RIMOC1: variants seen among roughly 807,000 people sequenced by gnomAD.
RIMOC1 encodes the protein RAB7A interacting MON1-CCZ1 complex subunit 1, also known as RAB7A-interacting MON1-CCZ1 complex subunit 1.
chr5:41,920,185 C>G, the RIMOC1 span: 1 of 152,286 alleles, frequency 6.6e-6, no homozygotes, highest in East Asian at 1.9e-4. Context: ...CTTGGTCTCA[C>G]TGGTTGGTAC....
the RIMOC1 span, chr5:41,918,526 C>T: frequency 1.0e-6 from 1 of 985,318 alleles, no homozygotes; most frequent in Non-Finnish European, 1.2e-6. Context: ...TAGTCTAGTC[C>T]TTTGGCAAGC....
the RIMOC1 span, among the ~76,000 whole-genome samples, chr5:41,914,574 A>T: frequency 2.0e-5 from 3 of 151,690 alleles, no homozygotes; most frequent in Non-Finnish European, 4.4e-5. Context: ...GGAGTTCAAG[A>T]CATAGTGAGA....
the RIMOC1 span, chr5:41,919,680 A>G: frequency 5.3e-5 from 8 of 152,118 alleles, no homozygotes; most frequent in African/African-American, 1.9e-4. Context: ...AGCCTTGCAC[A>G]CATCATTACT....
the RIMOC1 span, chr5:41,918,259 T>C: frequency 1.0e-6 from 1 of 985,906 alleles, no homozygotes; most frequent in South Asian, 4.7e-5. Flanking sequence ...TGTCACCACC[T>C]TGAGTTTCTC....
the RIMOC1 span, chr5:41,911,010 T>G: frequency 6.3e-7 from 1 of 1,591,994 alleles, no homozygotes; most frequent in Non-Finnish European, 8.5e-7. Context: ...AGACATCCAG[T>G]TTCCCTTTTT....
the RIMOC1 span, among the ~76,000 whole-genome samples, chr5:41,905,013 T>C: frequency 6.6e-6 from 1 of 152,230 alleles, no homozygotes; most frequent in Non-Finnish European, 1.5e-5. Flanking sequence ...AGTATTGGCA[T>C]ACTTGTTTTG....
the RIMOC1 span, chr5:41,911,019 T>G: frequency 1.3e-6 from 2 of 1,597,172 alleles, no homozygotes; most frequent in Non-Finnish European, 1.7e-6. Context: ...GTTTCCCTTT[T>G]TAGCTATGTC....
the RIMOC1 span, chr5:41,910,938 C>T: frequency 7.9e-7 from 1 of 1,264,606 alleles, no homozygotes; most frequent in Non-Finnish European, 1.1e-6. Flanking sequence ...ACAAAGGGAA[C>T]ATTTTGTGAC....
At chr5:41,917,853 A>G in the RIMOC1 span, 4 of 787,470 alleles carry the variant, frequency 5.1e-6, no homozygotes, top group Non-Finnish European at 6.2e-6. Flanking sequence ...TTATTTTGCC[A>G]TGTATTACTA....
chr5:41,918,383 A>G, the RIMOC1 span: 1 of 984,708 alleles, frequency 1.0e-6, no homozygotes. Flanking sequence ...GTTCCTTCTT[A>G]CCCCCTTTTC....
chr5:41,911,166 GT>G, the RIMOC1 span: 1 of 1,601,900 alleles, frequency 6.2e-7, no homozygotes, highest in Non-Finnish European at 8.5e-7. Context: ...AGAAAATCCA[GT>G]TTGCTTAAAA....
the RIMOC1 span, chr5:41,907,702 G>C: frequency 7.5e-7 from 1 of 1,338,974 alleles, no homozygotes. Context: ...TCTGAAACTA[G>C]GTGAAGTAAT....
the RIMOC1 span, among the ~76,000 whole-genome samples, chr5:41,913,705 C>T: frequency 6.6e-6 from 1 of 152,064 alleles, no homozygotes; most frequent in Non-Finnish European, 1.5e-5. Context: ...TTGTTAGCCT[C>T]TCCTGGATTG....
At chr5:41,918,691 C>T in the RIMOC1 span, 1 of 985,386 alleles carries the variant, frequency 1.0e-6, no homozygotes. Flanking sequence ...ACTAGGGTGG[C>T]CTCTCTCCCA....
the RIMOC1 span, chr5:41,920,327 A>G: frequency 6.6e-6 from 1 of 152,152 alleles, no homozygotes; most frequent in African/African-American, 2.4e-5. Context: ...ACACATTTTT[A>G]TATATGTTAA....
the RIMOC1 span, among the ~76,000 whole-genome samples, chr5:41,906,018 T>C: frequency 6.6e-6 from 1 of 152,238 alleles, no homozygotes; most frequent in South Asian, 2.1e-4. Context: ...GAATTGAATT[T>C]GGCATTATTT....
At chr5:41,905,432 G>T in the RIMOC1 span, among the ~76,000 whole-genome samples, 1 of 152,136 alleles carries the variant, frequency 6.6e-6, no homozygotes, top group South Asian at 2.1e-4. Context: ...CATCTCGCCC[G>T]GCTAACTTTG....
chr5:41,905,425 C>CT, the RIMOC1 span, among the ~76,000 whole-genome samples: 1 of 152,198 alleles, frequency 6.6e-6, no homozygotes, highest in African/African-American at 2.4e-5. Flanking sequence ...CGCACACCAT[C>CT]TCGCCCGGCT....
At chr5:41,917,689 C>T in the RIMOC1 span, 1 of 968,574 alleles carries the variant, frequency 1.0e-6, no homozygotes, top group Non-Finnish European at 1.2e-6. Context: ...TGAAGTTTGC[C>T]ATGCTTCAGA....
Sources: allele counts gnomAD v4.1 joint callset (sites outside exome capture counted in the v4.1 genomes callset), GRCh38; gene constraint gnomAD v4.1.1; transcripts MANE v1.5; gene names NCBI Gene and HGNC (gene_info 2026-07-23, HGNC 2026-07-21).